HDAC9: variants seen among roughly 807,000 people sequenced by gnomAD.
The protein encoded by HDAC9 is histone deacetylase 9.
In HDAC9, 41 loss-of-function variants were observed where a neutral mutation model predicts 139.4. The ratio of observed to expected loss-of-function variants is 0.29; its 90% confidence interval spans 0.23 to 0.38. The LOEUF (loss-of-function observed/expected upper bound fraction) is 0.38. Among genes scored for constraint, HDAC9 ranks in the 10% least tolerant of loss-of-function variants. HDAC9 has a pLI of 1.00. For synonymous variants in HDAC9, 517 were observed against 476.2 expected, an observed-to-expected ratio of 1.09 and a Z score of -1.12; for missense variants, 1,147 against 1,297.0, an observed-to-expected ratio of 0.88 and a Z score of 1.78.
At chr7:18,106,960 A>T (rs1482290856) in intron 1 of HDAC9, among the ~76,000 whole-genome samples, 1 of 152,224 alleles carries the variant, frequency 6.6e-6, no homozygotes, top group Non-Finnish European at 1.5e-5. Flanking sequence ...ATTAACTTTG[A>T]TGAGCTTATA....
rs1253271586 is a variant in HDAC9 at position 19,000,852 on chromosome 7, A to T, written c.*4790A>T. 1 of 152,214 alleles carries T rather than the reference A, an allele frequency of 6.6e-6. No homozygotes were observed. Among genetic ancestry groups the T allele is most frequent in the Non-Finnish European group, 1.5e-5 (1 of 68,018 alleles). The allele number at this position is 152,214 out of a possible 1,614,324, so 9.4% of individuals were successfully genotyped here. A position where few individuals can be genotyped will look rare whatever the true frequency, so the allele number is the denominator to read the frequency against. On this transcript the variant is annotated 3_prime_UTR_variant, in exon 26 of 26. Coordinates refer to ENST00000686413, the MANE Select transcript of HDAC9 (RefSeq NM_178425.4). ...TATCTAAGCAATCAAAAGTTTCTGA[A>T]ATCTCTGTTTCCTTAGTAGAAATGA...
chr7:18,494,231 G>A (rs1796592159), upstream of HDAC9, among the ~76,000 whole-genome samples: 1 of 152,012 alleles, frequency 6.6e-6, no homozygotes, highest in Non-Finnish European at 1.5e-5. Flanking sequence ...AAGAAGTAGA[G>A]TATTCAGTAG....
intron 1 of HDAC9, among the ~76,000 whole-genome samples, chr7:18,453,373 A>T (rs1486646705): frequency 6.6e-6 from 1 of 152,234 alleles, no homozygotes; most frequent in Non-Finnish European, 1.5e-5. Flanking sequence ...TTAGTTAAAC[A>T]GATCAAGGAC....
chr7:18,982,898 G>C (rs1464738583), intron 25 of HDAC9, among the ~76,000 whole-genome samples: 1 of 152,046 alleles, frequency 6.6e-6, no homozygotes, highest in South Asian at 2.1e-4. Context: ...ATGGATGTTT[G>C]GCTTGCTTAC....
At chr7:18,257,750 T>G (rs889586195) in intron 2 of HDAC9, among the ~76,000 whole-genome samples, 1 of 152,198 alleles carries the variant, frequency 6.6e-6, no homozygotes, top group African/African-American at 2.4e-5. Context: ...CTTAAAAACA[T>G]CCTTACAAGT....
chr7:18,113,454 A>G (rs984660825), intron 1 of HDAC9, among the ~76,000 whole-genome samples: 4 of 152,216 alleles, frequency 2.6e-5, no homozygotes, highest in South Asian at 4.1e-4. Flanking sequence ...CTACATTTCC[A>G]TGGACACGGA....
At chr7:18,421,882 G>A (rs916629397) in intron 1 of HDAC9, among the ~76,000 whole-genome samples, 2 of 152,198 alleles carry the variant, frequency 1.3e-5, no homozygotes, top group African/African-American at 4.8e-5. Context: ...TGGAAGCTGA[G>A]CCCTGGACTA....
At chr7:18,121,971 G>C (rs1434952905) in intron 1 of HDAC9, among the ~76,000 whole-genome samples, 1 of 152,074 alleles carries the variant, frequency 6.6e-6, no homozygotes, top group Admixed American at 6.6e-5. Context: ...TTATTATTTT[G>C]TGTTTCTTTT....
chr7:18,496,588 G>A, intron 2 of HDAC9: 2 of 456,418 alleles, frequency 4.4e-6, no homozygotes, highest in Non-Finnish European at 7.8e-6. Flanking sequence ...TAAGTAAAAT[G>A]TAGTTGGGGG....
chr7:18,810,034 G>C (rs2129189630), intron 17 of HDAC9, among the ~76,000 whole-genome samples: 1 of 152,032 alleles, frequency 6.6e-6, no homozygotes, highest in East Asian at 1.9e-4. Flanking sequence ...ATCTTATTCA[G>C]CCTTTAAAAA....
intron 22 of HDAC9, among the ~76,000 whole-genome samples, chr7:18,922,870 A>G (rs1485408191): frequency 6.6e-6 from 1 of 151,810 alleles, no homozygotes; most frequent in Non-Finnish European, 1.5e-5. Context: ...AGCAGTTAAC[A>G]TTTTTATGGT....
intron 22 of HDAC9, among the ~76,000 whole-genome samples, chr7:18,926,382 G>A (rs939993849): frequency 3.3e-5 from 5 of 152,068 alleles, no homozygotes; most frequent in African/African-American, 9.7e-5. Flanking sequence ...TCTGCCATAT[G>A]CCAGACTCTG....
Position 19,000,265 on chromosome 7 carries a change from T to C in HDAC9, c.*4203T>C, listed in dbSNP as rs748638185. 6.6e-6 allele frequency: 1 copy of C among 152,236 alleles called. No homozygotes were observed. Among genetic ancestry groups the C allele is most frequent in the Non-Finnish European group, 1.5e-5 (1 of 68,038 alleles). 9.4% of individuals were successfully genotyped at this position (152,236 alleles called of 1,614,324 possible). ...CATGTGCTGCCTTTGGAATAAAGTA[T>C]TATAATGTATCTTGTCACCTTCATC... On this transcript the variant is annotated 3_prime_UTR_variant, in exon 26 of 26. Transcript: ENST00000686413.
At chr7:18,367,501 AAATTAC>A (rs1784279398) in intron 1 of HDAC9, among the ~76,000 whole-genome samples, 1 of 152,164 alleles carries the variant, frequency 6.6e-6, no homozygotes, top group Non-Finnish European at 1.5e-5. Flanking sequence ...ATAATGTTAG[AAATTAC>A]AATGGTGTTT....
chr7:18,824,044 G>GAAGAAGAAGAAGAAGAA (rs1795197769), intron 17 of HDAC9, among the ~76,000 whole-genome samples: 1 of 67,118 alleles, frequency 1.5e-5, no homozygotes, highest in African/African-American at 4.6e-5. Context: ...AAGAGGAAGA[G>GAAGAAGAAGAAGAAGAA]GAAGAAGAAG....
At chr7:18,286,802 T>A (rs1797481929), upstream of HDAC9, among the ~76,000 whole-genome samples, 1 of 152,168 alleles carries the variant, frequency 6.6e-6, no homozygotes, top group Non-Finnish European at 1.5e-5. Flanking sequence ...TTAACTTTAT[T>A]ATTATTGCTC....
chr7:18,404,283 T>A (rs1313944615), intron 1 of HDAC9, among the ~76,000 whole-genome samples: 1 of 152,192 alleles, frequency 6.6e-6, no homozygotes, highest in Non-Finnish European at 1.5e-5. Context: ...GTAAGAGGCA[T>A]CCTGTCTTTA....
At chr7:18,645,610 A>G (rs1185592087) in intron 9 of HDAC9, among the ~76,000 whole-genome samples, 2 of 152,196 alleles carry the variant, frequency 1.3e-5, no homozygotes, top group African/African-American at 2.4e-5. Flanking sequence ...TAATTATTCT[A>G]GGCATATTCC....
intron 1 of HDAC9, among the ~76,000 whole-genome samples, chr7:18,112,557 A>G (rs963464485): frequency 7.2e-5 from 11 of 152,208 alleles, no homozygotes; most frequent in African/African-American, 2.7e-4. Flanking sequence ...GCAAAAGAAA[A>G]TATTATTAGT....
Sources: allele counts gnomAD v4.1 joint callset (sites outside exome capture counted in the v4.1 genomes callset), GRCh38; gene constraint gnomAD v4.1.1; transcripts MANE v1.5; gene names NCBI Gene and HGNC (gene_info 2026-07-23, HGNC 2026-07-21).